NDC1: variants seen among roughly 807,000 people sequenced by gnomAD.
NDC1 encodes nucleoporin NDC1.
Under a neutral mutation model 89.8 loss-of-function variants are expected in NDC1, and 24 were observed. The ratio of observed to expected loss-of-function variants is 0.27; its 90% CI spans 0.19 to 0.38. The LOEUF (loss-of-function observed/expected upper bound fraction) is 0.38. Ranked by LOEUF, NDC1 falls within the 10% of genes least tolerant of loss-of-function variation. NDC1 has a pLI of 1.00. For missense variants in NDC1, 728 were observed against 797.6 expected (o/e 0.91, Z 1.05); for synonymous variants, 296 against 284.8 (o/e 1.04, Z -0.39).
chr1:53,793,573 A>G (rs905770867), intron 13 of NDC1, among the ~76,000 whole-genome samples: 2 of 152,182 alleles, frequency 1.3e-5, no homozygotes, highest in Admixed American at 1.3e-4. Flanking sequence ...GGTTTTGGTG[A>G]AATTTTTTTC....
chr1:53,779,386 C>T (rs569183852), intron 16 of NDC1, among the ~76,000 whole-genome samples: 4 of 151,236 alleles, frequency 2.6e-5, no homozygotes, highest in African/African-American at 9.7e-5. Context: ...TTTATACTTT[C>T]TGAAATGAAG....
At chr1:53,803,526 A>G (rs888251443) in intron 10 of NDC1, among the ~76,000 whole-genome samples, 2 of 152,152 alleles carry the variant, frequency 1.3e-5, no homozygotes, top group African/African-American at 4.8e-5. Context: ...TTGACATCTG[A>G]TATTTTATTA....
At chr1:53,772,580 T>C in intron 16 of NDC1, 91 bp from the exon 17 acceptor site, 2 of 1,257,028 alleles carry the variant, frequency 1.6e-6, no homozygotes, top group South Asian at 1.4e-5. Flanking sequence ...TCCCAACACT[T>C]TGGAAGGACG....
At position 53,768,037 on chromosome 1, in the gene NDC1, A is replaced by C. The variant is rs987597225; in HGVS notation, c.1962-4T>G. The stretch of plus-strand genomic sequence containing the variant: ...TTCTGCAGATGCTTGCACAGCACTA[A>C]ATGAAACATAAATTCAAAGCATAAG... On this transcript the variant is annotated splice_polypyrimidine_tract_variant and splice_region_variant and intron_variant, in intron 17 of 17. Transcript: ENST00000371429. 1 of 1,593,180 alleles carries C rather than the reference A, an allele frequency of 6.3e-7. No homozygotes were observed. The highest frequency in any genetic ancestry group is 8.6e-7 in the Non-Finnish European group (1 of 1,169,116).
intron 16 of NDC1, among the ~76,000 whole-genome samples, chr1:53,780,339 C>A (rs1394455393): frequency 6.6e-6 from 1 of 152,040 alleles, no homozygotes; most frequent in Admixed American, 6.6e-5. Flanking sequence ...CTCCCAAAGT[C>A]CTGGGATTAC....
At position 53,828,010 on chromosome 1, in the gene NDC1, A is replaced by C; in HGVS notation, c.444T>G (p.Thr148=). Residue 148 remains threonine, a synonymous_variant, in exon 4 of 18, where the codon ACT becomes ACG. Coordinates refer to ENST00000371429, the MANE Select transcript of NDC1 (RefSeq NM_018087.5). ...GQYSFLVVPC[T]GTNSFGSPAA... The stretch of plus-strand genomic sequence containing the variant: ...ATATTTAATATTACCTGTTAGTACC[A>C]GTGCAGGGAACCACAAGAAAGCTGT... The C allele has an allele frequency of 6.2e-7, 1 of 1,608,636 alleles. No homozygotes were observed. Among genetic ancestry groups the C allele is most frequent in the Non-Finnish European group, 8.5e-7 (1 of 1,177,040 alleles).
intron 3 of NDC1, among the ~76,000 whole-genome samples, chr1:53,831,182 G>A (rs1194853472): frequency 5.3e-5 from 8 of 150,508 alleles, no homozygotes; most frequent in East Asian, 2.0e-4. Flanking sequence ...CCGAAATCGC[G>A]CCACTGCACT....
At chr1:53,813,610 T>A (rs1264857282) in intron 6 of NDC1, among the ~76,000 whole-genome samples, 1 of 152,072 alleles carries the variant, frequency 6.6e-6, no homozygotes, top group Non-Finnish European at 1.5e-5. Flanking sequence ...CATCTAACAT[T>A]GGAGCTCCCA....
intron 16 of NDC1, among the ~76,000 whole-genome samples, chr1:53,775,958 T>C (rs1051697979): frequency 9.0e-5 from 13 of 144,980 alleles, no homozygotes; most frequent in African/African-American, 2.7e-4. Context: ...GAAATTCCTT[T>C]TTTTTTTTTT....
At chr1:53,798,142 TTATTA>T (rs1647784488) in intron 11 of NDC1, among the ~76,000 whole-genome samples, 1 of 103,776 alleles carries the variant, frequency 9.6e-6, no homozygotes, top group Non-Finnish European at 1.9e-5. Context: ...CTTCTTTTTA[TTATTA>T]TTATTATTAT....
intron 6 of NDC1, among the ~76,000 whole-genome samples, chr1:53,812,376 A>G (rs774229989): frequency 2.6e-4 from 39 of 152,220 alleles, no homozygotes; most frequent in Admixed American, 4.6e-4. Context: ...ACAAGAAGTG[A>G]AGGGAGAAAT....
At chr1:53,781,729 CT>C (rs1474650317) in intron 16 of NDC1, among the ~76,000 whole-genome samples, 1 of 152,198 alleles carries the variant, frequency 6.6e-6, no homozygotes, top group African/African-American at 2.4e-5. Context: ...ACTTTGATCC[CT>C]TCTAGACCAA....
intron 16 of NDC1, among the ~76,000 whole-genome samples, chr1:53,773,914 C>T (rs760220654): frequency 6.6e-6 from 1 of 152,114 alleles, no homozygotes; most frequent in Non-Finnish European, 1.5e-5. Context: ...ATCTAGGGAT[C>T]TAACTAATTT....
At chr1:53,799,865 C>CAGG (rs1163662470) in intron 11 of NDC1, among the ~76,000 whole-genome samples, 1 of 152,220 alleles carries the variant, frequency 6.6e-6, no homozygotes, top group Non-Finnish European at 1.5e-5. Flanking sequence ...GTGAACAAGA[C>CAGG]AGGTTCCTCC....
Position 53,772,378 on chromosome 1 carries a change from G to A in NDC1, c.1912C>T (p.Leu638=), listed in dbSNP as rs376133052. 4 of 1,613,964 alleles carry A rather than the reference G, an allele frequency of 2.5e-6. No individual in the cohort carries two copies. The African/African-American group carries it at 5.3e-5, about 22-fold the overall frequency. ...KTLRFAFRAS[L]KTAIYRITTT... The stretch of plus-strand genomic sequence containing the variant: ...GTTATTCGATAGATGGCAGTTTTCA[G>A]TGATGCTCTGAATGCAAATCTTAAT... Residue 638 remains leucine, a synonymous_variant, in exon 17 of 18, where the codon CTG becomes TTG. Transcript: ENST00000371429.
intron 16 of NDC1, among the ~76,000 whole-genome samples, chr1:53,773,385 T>C (rs1647135467): frequency 6.6e-6 from 1 of 152,242 alleles, no homozygotes; most frequent in African/African-American, 2.4e-5. Flanking sequence ...AGCATCCTAT[T>C]TTTGTTTCAA....
At position 53,767,939 on chromosome 1, in the gene NDC1, CA is replaced by C. The variant is rs1647079996; in HGVS notation, c.*30del. On this transcript the variant is annotated 3_prime_UTR_variant, in exon 18 of 18. Transcript: ENST00000371429. Reference sequence around the variant, plus strand: ...ACTGTCCCATCTGTAGTTGTATCAGCAGTGTAATGAACACAGTTTATATTAC... The same window carrying C: ...ACTGTCCCATCTGTAGTTGTATCAGCGTGTAATGAACACAGTTTATATTAC... 3.7e-6 allele frequency: 5 copies of C among 1,352,106 alleles called. No individual in the cohort carries two copies. The highest frequency in any genetic ancestry group is 4.2e-6 in the Non-Finnish European group (4 of 959,268). The allele number at this position is 1,352,106 out of a possible 1,614,324, so 83.8% of individuals were successfully genotyped here. A position where few individuals can be genotyped will look rare whatever the true frequency, so the allele number is the denominator to read the frequency against.
intron 3 of NDC1, among the ~76,000 whole-genome samples, chr1:53,829,161 T>G (rs1041275147): frequency 2.6e-5 from 4 of 152,138 alleles, no homozygotes; most frequent in African/African-American, 9.7e-5. Context: ...CCCTGATCTA[T>G]CTATGTAGGT....
At position 53,832,602 on chromosome 1, in the gene NDC1, A is replaced by C; in HGVS notation, c.179-11T>G. 7.2e-7 allele frequency: 1 copy of C among 1,389,934 alleles called. No homozygotes were observed. The highest frequency in any genetic ancestry group is 1.2e-5 in the South Asian group (1 of 84,784). 86.1% of individuals were successfully genotyped at this position (1,389,934 alleles called of 1,614,324 possible). On this transcript the variant is annotated splice_polypyrimidine_tract_variant and intron_variant, in intron 2 of 17. Coordinates refer to ENST00000371429, the MANE Select transcript of NDC1 (RefSeq NM_018087.5). Reference sequence around the variant, plus strand: ...GGTCACTGAAAGAATCTAAAACACAAGAGAGATGAATTAGTAAAGGTTATT... The same window carrying C: ...GGTCACTGAAAGAATCTAAAACACACGAGAGATGAATTAGTAAAGGTTATT...
Sources: gnomAD v4.1 joint callset for allele counts (sites outside exome capture counted in the v4.1 genomes callset) on GRCh38, gnomAD v4.1.1 for gene constraint, MANE v1.5 for transcripts, NCBI Gene and HGNC (gene_info 2026-07-23, HGNC 2026-07-21) for gene names.